The following STK3 variants were observed in gnomAD, a reference collection of about 807,000 sequenced individuals.
The protein encoded by STK3 is serine/threonine kinase 3, also known as serine/threonine-protein kinase 3.
A neutral mutation model predicts 58.0 loss-of-function variants in STK3; 41 were observed. The observed-to-expected ratio is 0.71, with a 90% CI of 0.55 to 0.92. STK3 has a LOEUF of 0.92. Among genes scored for constraint, STK3 ranks in the 40% least tolerant of loss-of-function variants. The pLI, the probability that STK3 is intolerant of heterozygous loss-of-function variation, is 0.00. For missense variants in STK3, 479 were observed against 602.7 expected, an observed-to-expected ratio of 0.79 and a Z score of 2.15; for synonymous variants, 170 against 191.0, an observed-to-expected ratio of 0.89 and a Z score of 0.91.
In STK3 at chr8:98,593,861, C is replaced by T. The variant is rs574132968; in HGVS notation, c.822+2171G>A. 2.6e-5 allele frequency among the ~76,000 whole-genome samples: 4 copies of T among 152,098 alleles called. No homozygotes were observed. In the South Asian group the frequency reaches 8.3e-4, roughly 32 times the overall value. ...TTCCTAGGCTTCCTGCTAAATAAGA[C>T]TCTAATGAGGCCAAAGATAATTATC... On this transcript the variant is annotated intron_variant, in intron 7 of 10. Transcript: ENST00000419617.
At chr8:98,544,652 AC>A (rs1810554428) in intron 9 of STK3, among the ~76,000 whole-genome samples, 1 of 6,948 alleles carries the variant, frequency 1.4e-4, no homozygotes, top group African/African-American at 5.9e-4. Flanking sequence ...CTACTATAAC[AC>A]ACACACACAC....
intron 1 of STK3, among the ~76,000 whole-genome samples, chr8:98,385,689 C>G (rs568273358): frequency 6.6e-6 from 1 of 152,010 alleles, no homozygotes; most frequent in Non-Finnish European, 1.5e-5. Flanking sequence ...CTTCAGTGGG[C>G]GGGGGGAGAT....
At chr8:98,554,755 T>C (rs1811464842) in intron 8 of STK3, among the ~76,000 whole-genome samples, 1 of 152,116 alleles carries the variant, frequency 6.6e-6, no homozygotes, top group Non-Finnish European at 1.5e-5. Flanking sequence ...CACTTATAAT[T>C]TGGTGATGGT....
At chr8:98,519,984 T>C (rs1825228597) in intron 10 of STK3, among the ~76,000 whole-genome samples, 1 of 152,152 alleles carries the variant, frequency 6.6e-6, no homozygotes, top group Non-Finnish European at 1.5e-5. Context: ...GCTTTTGAAG[T>C]TTTTGTTCTT....
chr8:98,562,822 G>A (rs1288636444), intron 8 of STK3, among the ~76,000 whole-genome samples: 1 of 149,424 alleles, frequency 6.7e-6, no homozygotes, highest in Non-Finnish European at 1.5e-5. Flanking sequence ...TGAGGCAGGA[G>A]GATCGCTTCA....
chr8:98,540,782 T>G (rs1810187411), intron 9 of STK3, among the ~76,000 whole-genome samples: 1 of 151,462 alleles, frequency 6.6e-6, no homozygotes, highest in African/African-American at 2.4e-5. Context: ...GTGCACTCTT[T>G]CGCAACTGGG....
intron 4 of STK3, among the ~76,000 whole-genome samples, chr8:98,736,016 C>A (rs867997454): frequency 9.9e-5 from 15 of 152,016 alleles, no homozygotes; most frequent in Non-Finnish European, 2.1e-4. Context: ...AAAAGGCCAA[C>A]AGAAACAACA....
chr8:98,456,110 G>T, intron 10 of STK3, 110 bp from the exon 11 acceptor site: 3 of 1,119,414 alleles, frequency 2.7e-6, no homozygotes, highest in African/African-American at 1.6e-5. Context: ...AAATATTTCA[G>T]CAAATTCTTT....
chr8:98,498,822 C>G (rs1361283547), intron 10 of STK3, among the ~76,000 whole-genome samples: 6 of 152,160 alleles, frequency 3.9e-5, no homozygotes, highest in African/African-American at 1.2e-4. Flanking sequence ...GTCTTCTCCC[C>G]AATCTCTCAA....
In STK3 at chr8:98,785,515, G is replaced by A. The variant is rs534872793; in HGVS notation, c.27-10696C>T. Among the ~76,000 whole-genome samples the A allele has an allele frequency of 3.3e-5, 5 of 152,210 alleles. No homozygotes were observed. The East Asian group carries it at 5.8e-4, about 18-fold the overall frequency. ...TGTGCTTGCCACTGGAGGGTCTGGC[G>A]GTGAGCCTGCCCAGTCCAGCCCTGC... On this transcript the variant is annotated intron_variant, in intron 1 of 10. Transcript: ENST00000419617.
At chr8:98,736,062 A>C (rs922039128) in intron 4 of STK3, among the ~76,000 whole-genome samples, 1 of 152,196 alleles carries the variant, frequency 6.6e-6, no homozygotes, top group Non-Finnish European at 1.5e-5. Flanking sequence ...AACATGAAAC[A>C]GCCAATACAA....
chr8:98,639,824 T>G (rs1056974783), intron 6 of STK3, among the ~76,000 whole-genome samples: 3 of 152,076 alleles, frequency 2.0e-5, no homozygotes, highest in Non-Finnish European at 4.4e-5. Flanking sequence ...AATATTTTGG[T>G]TCCTGGCCAG....
intron 4 of STK3, chr8:98,721,164 C>A: frequency 1.0e-6 from 1 of 952,754 alleles, no homozygotes; most frequent in Non-Finnish European, 1.2e-6. Flanking sequence ...CTTAATTCTG[C>A]TAAAACAAAT....
At chr8:98,931,103 A>T (rs917185783) in intron 1 of STK3, among the ~76,000 whole-genome samples, 10 of 152,150 alleles carry the variant, frequency 6.6e-5, no homozygotes, top group East Asian at 3.9e-4. Context: ...GGTATCCTTG[A>T]AATCGGCTGA....
chr8:98,924,141 T>C (rs1019465245), intron 1 of STK3, among the ~76,000 whole-genome samples: 5 of 152,208 alleles, frequency 3.3e-5, no homozygotes, highest in African/African-American at 7.2e-5. Flanking sequence ...TTTTTGTCCC[T>C]GAAAATTTTG....
chr8:98,502,959 A>G (rs1823738180), intron 10 of STK3, among the ~76,000 whole-genome samples: 1 of 152,274 alleles, frequency 6.6e-6, no homozygotes, highest in African/African-American at 2.4e-5. Flanking sequence ...TATTGATTAC[A>G]ATAGTTTCAG....
chr8:98,832,977 T>C (rs1835596039), intron 3 of STK3, among the ~76,000 whole-genome samples: 1 of 152,248 alleles, frequency 6.6e-6, no homozygotes, highest in African/African-American at 2.4e-5. Context: ...GCTAGAAATG[T>C]GTCACAGACA....
Position 98,428,770 on chromosome 8 carries a change from A to G in STK3, n.483+5357T>C. The G allele has an allele frequency of 6.2e-7, 1 of 1,614,036 alleles. No individual in the cohort carries two copies. The highest frequency in any genetic ancestry group is 8.5e-7 in the Non-Finnish European group (1 of 1,180,026). On this transcript the variant is annotated intron_variant and non_coding_transcript_variant, in intron 3 of 3. Coordinates refer to the STK3 transcript ENST00000517832. The surrounding 1 kb of genome is among the most constrained non-coding windows in gnomAD (Gnocchi z 6.7). ...TTCAAGAATGCCCTAAACCTTATTG[A>G]CCTCATGTCCATCGTCCCCTTTTAC... is the stretch of plus-strand genomic sequence containing the variant.
chr8:98,585,650 G>C (rs1355196075), intron 7 of STK3, among the ~76,000 whole-genome samples: 20 of 151,340 alleles, frequency 1.3e-4, no homozygotes, highest in African/African-American at 4.6e-4. Context: ...TTGGTAGCTT[G>C]ATGGGGATGG....
Sources: gnomAD v4.1 joint callset for allele counts (sites outside exome capture counted in the v4.1 genomes callset) on GRCh38, gnomAD v4.1.1 for gene constraint, Gnocchi (gnomAD v3.1) non-coding constraint, MANE v1.5 for transcripts, NCBI Gene and HGNC (gene_info 2026-07-23, HGNC 2026-07-21) for gene names.